Variants in RNF145 observed in about 807,000 individuals in gnomAD.
The protein encoded by RNF145 is ring finger protein 145.
A neutral mutation model predicts 57.3 loss-of-function variants in RNF145; 12 were observed. That is an observed-to-expected ratio of 0.21 (90% confidence interval 0.13 to 0.34). RNF145 has a LOEUF of 0.34. Ranked by LOEUF, RNF145 falls within the 10% of genes least tolerant of loss-of-function variation. RNF145 has a pLI of 1.00. For synonymous variants in RNF145, 262 were observed against 288.3 expected (o/e 0.91, Z 0.92); for missense variants, 429 against 799.0 (o/e 0.54, Z 5.58).
chr5:159,173,958 A>G (rs745458425), intron 6 of RNF145, 25 bp downstream of exon 6: 1 of 1,540,804 alleles, frequency 6.5e-7, no homozygotes, highest in Non-Finnish European at 8.8e-7. Context: ...GGTTATATAT[A>G]GTATCATAGG....
chr5:159,171,806 A>G (rs1784569431), intron 6 of RNF145, among the ~76,000 whole-genome samples: 1 of 152,186 alleles, frequency 6.6e-6, no homozygotes. Context: ...CATGGATAAG[A>G]ACAGAGAATA....
intron 5 of RNF145, among the ~76,000 whole-genome samples, chr5:159,175,297 G>C (rs4602609): frequency 2.0e-5 from 3 of 151,974 alleles, no homozygotes; most frequent in Non-Finnish European, 4.4e-5. Context: ...TCAAGAAACA[G>C]ACCACTAAAA....
chr5:159,175,507 TACAA>T (rs1430654392), intron 5 of RNF145, among the ~76,000 whole-genome samples: 2 of 152,156 alleles, frequency 1.3e-5, no homozygotes, highest in Non-Finnish European at 2.9e-5. Flanking sequence ...CATTATTTAT[TACAA>T]ACAAAGATAA....
In RNF145 at chr5:159,194,843, T is replaced by C. The variant is rs564029095; in HGVS notation, c.185-19A>G. On this transcript the variant is annotated intron_variant, in intron 2 of 10. Coordinates refer to ENST00000424310, the MANE Select transcript of RNF145 (RefSeq NM_001199383.2). ...ATATAACCTGTACCAGAAAGATAAA[T>C]AAAATACAATTTTAATTTAGTTTCC... 3.4e-6 allele frequency: 5 copies of C among 1,469,292 alleles called. No homozygotes were observed. In the East Asian group the frequency reaches 9.1e-5, roughly 27 times the overall value. The allele number at this position is 1,469,292 out of a possible 1,614,324, so 91.0% of individuals were successfully genotyped here.
rs181203327 is a variant in RNF145 at position 159,184,089 on chromosome 5, G to A, written c.294-2038C>T. ...GGGCCTCAGTCCCAAGTGTCTCTTT[G>A]TGAGGGACAAGAAAAGACAGAAGAA... On this transcript the variant is annotated intron_variant, in intron 3 of 10. Coordinates refer to ENST00000424310, the MANE Select transcript of RNF145 (RefSeq NM_001199383.2). Among the ~76,000 whole-genome samples, 115 of 152,286 alleles carry A rather than the reference G, an allele frequency of 7.6e-4. 1 individual carries two copies. The highest frequency in any genetic ancestry group is 3.1e-3 in the Admixed American group (47 of 15,296).
At position 159,161,380 on chromosome 5, in the gene RNF145, C is replaced by T; in HGVS notation, c.1512G>A (p.Leu504=). The change falls in exon 10 of 11, where the codon CTG becomes CTA. Residue 504 remains leucine, a synonymous_variant. Transcript: ENST00000424310. The part of the protein sequence containing the change: ...SYYNVWLRAQ[L]GWKSFLLRRD... ...TGCGGAGAAGAAAGCTCTTCCACCC[C>T]AGCTGGGCCCGAAGCCACACGTTAT... 2 of 1,614,172 alleles carry T rather than the reference C, an allele frequency of 1.2e-6. No individual in the cohort carries two copies. Among genetic ancestry groups the T allele is most frequent in the South Asian group, 2.2e-5 (2 of 91,088 alleles).
Position 159,158,734 on chromosome 5 carries a change from G to GC in RNF145, c.1927dup (p.Ala643GlyfsTer3). On this transcript the variant is annotated frameshift_variant, in exon 11 of 11. Transcript: ENST00000424310. LOFTEE classifies it low-confidence loss of function (END_TRUNC). ...GTGAGGATATTCTTTGGGGTCAAAA[G>GC]CCCCTTCCTGGTTATCTGGTCGTCT... 2 of 1,613,940 alleles carry GC rather than the reference G, an allele frequency of 1.2e-6. No homozygotes were observed. The highest frequency in any genetic ancestry group is 1.7e-6 in the Non-Finnish European group (2 of 1,179,844).
At chr5:159,208,054 G>A (rs1210241539) in intron 1 of RNF145, 1 of 1,501,684 alleles carries the variant, frequency 6.7e-7, no homozygotes, top group Non-Finnish European at 8.8e-7. Flanking sequence ...ACTGCAGACT[G>A]CGACGCAAGG....
At chr5:159,173,954 A>T (rs1183481187) in intron 6 of RNF145, 29 bp downstream of exon 6, 1 of 1,529,182 alleles carries the variant, frequency 6.5e-7, no homozygotes, top group African/African-American at 1.4e-5. Flanking sequence ...CTAAGGTTAT[A>T]TATAGTATCA....
rs1212638963 is a variant in RNF145, at chr5:159,194,745, C to G, written c.264G>C (p.Leu88=). The change falls in exon 3 of 11, where the codon CTG becomes CTC. Residue 88 remains leucine, a synonymous_variant. Coordinates refer to ENST00000424310, the MANE Select transcript of RNF145 (RefSeq NM_001199383.2). ...AAATTTGATGTCCAGCATAGAGGAG[C>G]AGAGCAGTCAAAAAATATAGATAAA... The part of the protein sequence containing the change: ...VQLYLYFLTA[L]LLYAGHQISR... The G allele has an allele frequency of 1.9e-6, 3 of 1,612,578 alleles. No individual in the cohort carries two copies. The highest frequency in any genetic ancestry group is 2.5e-6 in the Non-Finnish European group (3 of 1,178,672).
chr5:159,192,476 CTTAA>C (rs1237751094), intron 3 of RNF145, among the ~76,000 whole-genome samples: 2 of 152,030 alleles, frequency 1.3e-5, no homozygotes, highest in Non-Finnish European at 2.9e-5. Context: ...TTGATATTTT[CTTAA>C]TTAATCAACA....
chr5:159,160,944 G>C, intron 10 of RNF145, among the ~76,000 whole-genome samples: 1 of 152,120 alleles, frequency 6.6e-6, no homozygotes, highest in East Asian at 1.9e-4. Context: ...ACCCCTCATG[G>C]ATAGTATATT....
chr5:159,162,830 A>G lies in RNF145; in HGVS notation c.1269+102T>C, dbSNP rs1784274787. ...GAGAGAGAGAAGTTATCACCTGAATAGTCCACTTATAATCATTCATCTTGA... is the reference window on the plus strand; with the variant it reads ...GAGAGAGAGAAGTTATCACCTGAATGGTCCACTTATAATCATTCATCTTGA... On this transcript the variant is annotated intron_variant, in intron 9 of 10. Transcript: ENST00000424310. 3.8e-5 allele frequency: 31 copies of G among 813,978 alleles called. 1 individual carries two copies. The South Asian group carries it at 5.9e-4, about 15-fold the overall frequency. The allele number at this position is 813,978 out of a possible 1,614,324, so 50.4% of individuals were successfully genotyped here. A position where few individuals can be genotyped will look rare whatever the true frequency, so the allele number is the denominator to read the frequency against.
chr5:159,177,530 C>G (rs1050992193), intron 4 of RNF145, among the ~76,000 whole-genome samples: 2 of 152,008 alleles, frequency 1.3e-5, no homozygotes, highest in African/African-American at 4.8e-5. Context: ...CTGGGGTACA[C>G]TGAATGTATG....
intron 3 of RNF145, among the ~76,000 whole-genome samples, chr5:159,188,057 T>C (rs1387712239): frequency 2.0e-5 from 3 of 152,158 alleles, no homozygotes; most frequent in Non-Finnish European, 4.4e-5. Context: ...TCCAATATGT[T>C]GGTTCATAAA....
chr5:159,181,662 C>T (rs1784896736), intron 4 of RNF145, among the ~76,000 whole-genome samples: 1 of 151,972 alleles, frequency 6.6e-6, no homozygotes, highest in East Asian at 1.9e-4. Context: ...TCATTTTAAT[C>T]TTTCAAAGTA....
intron 2 of RNF145, among the ~76,000 whole-genome samples, chr5:159,199,976 A>G (rs995597897): frequency 6.6e-6 from 1 of 152,136 alleles, no homozygotes; most frequent in South Asian, 2.1e-4. Flanking sequence ...TACAATTAGA[A>G]GACATAAAGG....
chr5:159,172,244 A>C (rs1006899610), intron 6 of RNF145, among the ~76,000 whole-genome samples: 1 of 152,086 alleles, frequency 6.6e-6, no homozygotes, highest in Non-Finnish European at 1.5e-5. Flanking sequence ...TAATCCCAGG[A>C]CTTTGAGAGG....
rs183939521 is a variant in RNF145, at chr5:159,166,084, G to C, written c.1121+2789C>G. ...TGGAGCTGCAACTTCCCCCATCATAGGTATTGGCAGATTTTTTCCCTCCCC... is the reference window on the plus strand; with the variant it reads ...TGGAGCTGCAACTTCCCCCATCATACGTATTGGCAGATTTTTTCCCTCCCC... On this transcript the variant is annotated intron_variant, in intron 8 of 10. Coordinates refer to ENST00000424310, the MANE Select transcript of RNF145 (RefSeq NM_001199383.2). 2.4e-3 allele frequency among the ~76,000 whole-genome samples: 363 copies of C among 152,212 alleles called. 2 individuals carry two copies. Among genetic ancestry groups the C allele is most frequent in the African/African-American group, 7.8e-3 (325 of 41,522 alleles).
Sources: gnomAD v4.1 joint callset for allele counts (sites outside exome capture counted in the v4.1 genomes callset) on GRCh38, gnomAD v4.1.1 for gene constraint, MANE v1.5 for transcripts, NCBI Gene and HGNC (gene_info 2026-07-23, HGNC 2026-07-21) for gene names.